Variants in FAM107B observed in about 807,000 individuals in gnomAD.
FAM107B encodes the protein family with sequence similarity 107 member B, also known as protein FAM107B.
In FAM107B, 21 loss-of-function variants were observed where a neutral mutation model predicts 31.5. That is an observed-to-expected ratio of 0.67 (90% CI 0.47 to 0.96). FAM107B has a LOEUF of 0.96. Ranked by LOEUF, FAM107B falls within the 40% of genes least tolerant of loss-of-function variation. The pLI is 0.00. For synonymous variants in FAM107B, 157 were observed against 141.5 expected, an observed-to-expected ratio of 1.11 and a Z score of -0.78; for missense variants, 452 against 377.1, an observed-to-expected ratio of 1.20 and a Z score of -1.64.
intron 2 of FAM107B, among the ~76,000 whole-genome samples, chr10:14,558,055 T>C (rs1014895615): frequency 1.3e-5 from 2 of 152,264 alleles, no homozygotes; most frequent in African/African-American, 4.8e-5. Context: ...AGGTAATTCC[T>C]TAATTCCTCA....
chr10:14,530,139 G>A (rs1846794515), intron 3 of FAM107B, 193 bp downstream of exon 3: 7 of 603,078 alleles, frequency 1.2e-5, no homozygotes, highest in Admixed American at 6.3e-5. Flanking sequence ...GGCCACCACA[G>A]TGATGGCCAC....
At chr10:14,757,631 G>C (rs1358464063) in intron 1 of FAM107B, among the ~76,000 whole-genome samples, 1 of 152,196 alleles carries the variant, frequency 6.6e-6, no homozygotes. Flanking sequence ...TCCGCAGGCA[G>C]CTGGAGAGGT....
chr10:14,542,105 A>G (rs1452073215), intron 2 of FAM107B, among the ~76,000 whole-genome samples: 1 of 151,720 alleles, frequency 6.6e-6, no homozygotes, highest in Non-Finnish European at 1.5e-5. Context: ...AAAAAATAAT[A>G]ATAATAATAC....
At chr10:14,672,048 C>G (rs78934563) in intron 1 of FAM107B, among the ~76,000 whole-genome samples, 5,151 of 151,634 alleles carry the variant, frequency 0.034, 286 homozygotes, top group African/African-American at 0.12. Flanking sequence ...TACATTGGTT[C>G]TGTACCTCCC....
intron 1 of FAM107B, among the ~76,000 whole-genome samples, chr10:14,677,351 G>A (rs1170255113): frequency 1.3e-5 from 2 of 152,228 alleles, no homozygotes; most frequent in Non-Finnish European, 2.9e-5. Flanking sequence ...GCCGGGCGCG[G>A]TGGCTCAATC....
intron 1 of FAM107B, among the ~76,000 whole-genome samples, chr10:14,715,433 A>G (rs1028670528): frequency 6.6e-6 from 1 of 152,242 alleles, no homozygotes; most frequent in African/African-American, 2.4e-5. Flanking sequence ...AAGAGTTTGT[A>G]TTAGTTATCT....
intron 2 of FAM107B, among the ~76,000 whole-genome samples, chr10:14,578,127 T>A (rs1851520961): frequency 6.6e-6 from 1 of 152,116 alleles, no homozygotes; most frequent in Non-Finnish European, 1.5e-5. Context: ...TTAAATGAAA[T>A]GGTAACGAAC....
intron 2 of FAM107B, among the ~76,000 whole-genome samples, chr10:14,559,608 C>G (rs1333245613): frequency 6.7e-6 from 1 of 150,080 alleles, no homozygotes; most frequent in Non-Finnish European, 1.5e-5. Context: ...CACCCTCTGT[C>G]ACCCAGGCTG....
chr10:14,759,482 G>A (rs1009859429), intron 1 of FAM107B, among the ~76,000 whole-genome samples: 7 of 152,064 alleles, frequency 4.6e-5, no homozygotes, highest in Admixed American at 2.0e-4. Context: ...CTCAGTTGAC[G>A]CACTTATCAA....
At chr10:14,525,723 G>A (rs1846158192) in intron 3 of FAM107B, among the ~76,000 whole-genome samples, 1 of 152,136 alleles carries the variant, frequency 6.6e-6, no homozygotes, top group South Asian at 2.1e-4. Flanking sequence ...AAACAATGAG[G>A]CTCTGAGCCT....
intron 2 of FAM107B, among the ~76,000 whole-genome samples, chr10:14,594,529 A>G (rs1030888949): frequency 1.1e-4 from 16 of 151,454 alleles, no homozygotes; most frequent in African/African-American, 3.2e-4. Context: ...AAAAAAAAAC[A>G]AAACTGGCAA....
chr10:14,548,404 G>A lies in FAM107B; in HGVS notation c.470-17889C>T, dbSNP rs914653047. ...GGAGGTACTTGTGCCCTTGTACACA[G>A]GTCTGTGAGGGTGCGTGGGGCGTAG... On this transcript the variant is annotated intron_variant, in intron 2 of 4. Transcript: ENST00000181796. The A allele has an allele frequency of 7.1e-6, 7 of 985,260 alleles. No homozygotes were observed. In the African/African-American group the frequency reaches 1.2e-4, roughly 17 times the overall value. 61.0% of individuals were successfully genotyped at this position (985,260 alleles called of 1,614,324 possible).
chr10:14,620,086 C>G (rs1023363542), intron 2 of FAM107B, among the ~76,000 whole-genome samples: 3 of 146,730 alleles, frequency 2.0e-5, no homozygotes, highest in Non-Finnish European at 1.5e-5. Flanking sequence ...GTGGCACAAT[C>G]TCGGCTCACT....
chr10:14,607,399 T>C (rs1852621309), intron 2 of FAM107B, among the ~76,000 whole-genome samples: 1 of 152,220 alleles, frequency 6.6e-6, no homozygotes, highest in South Asian at 2.1e-4. Context: ...GTATCCAATT[T>C]GGTTTGGGAC....
chr10:14,622,308 ATTT>A (rs35444318), intron 2 of FAM107B, among the ~76,000 whole-genome samples: 3 of 136,534 alleles, frequency 2.2e-5, no homozygotes, highest in African/African-American at 5.4e-5. Context: ...AGTATGAGAG[ATTT>A]TTTTTTTTTT....
intron 2 of FAM107B, among the ~76,000 whole-genome samples, chr10:14,608,965 T>C (rs1051675738): frequency 1.3e-5 from 2 of 152,226 alleles, no homozygotes; most frequent in Non-Finnish European, 2.9e-5. Context: ...GAAATCTTTC[T>C]GATGATAAGA....
At chr10:14,530,646 C>T in intron 2 of FAM107B, 131 bp from the exon 3 acceptor site, 2 of 737,430 alleles carry the variant, frequency 2.7e-6, no homozygotes, top group South Asian at 2.1e-5. Flanking sequence ...TGGGGCATCG[C>T]TGATAAATAT....
intron 1 of FAM107B, among the ~76,000 whole-genome samples, chr10:14,673,915 T>C (rs1854617649): frequency 1.3e-5 from 2 of 152,216 alleles, no homozygotes; most frequent in African/African-American, 2.4e-5. Flanking sequence ...TGTCTTCTTT[T>C]GAGAAATGCC....
At chr10:14,677,696 G>A (rs1039544002) in intron 1 of FAM107B, among the ~76,000 whole-genome samples, 1 of 152,136 alleles carries the variant, frequency 6.6e-6, no homozygotes, top group African/African-American at 2.4e-5. Context: ...GGTTAGTGTG[G>A]GTTGGTCAGT....
Sources: gnomAD v4.1 joint callset for allele counts (sites outside exome capture counted in the v4.1 genomes callset) on GRCh38, gnomAD v4.1.1 for gene constraint, MANE v1.5 for transcripts, NCBI Gene and HGNC (gene_info 2026-07-23, HGNC 2026-07-21) for gene names.